RNF141: variants seen among roughly 807,000 people sequenced by gnomAD.
The protein encoded by RNF141 is ring finger protein 141, also known as C3HC4-like zinc finger protein.
RNF141 carries 18 observed loss-of-function variants against 27.4 expected under a neutral mutation model. The observed-to-expected ratio is 0.66, with a 90% CI of 0.45 to 0.97. RNF141 has a LOEUF of 0.97. Ranked by LOEUF, RNF141 falls within the 50% of genes least tolerant of loss-of-function variation. The pLI is 0.00. For missense variants in RNF141, 230 were observed against 279.4 expected, an observed-to-expected ratio of 0.82 and a Z score of 1.26; for synonymous variants, 97 against 96.6, an observed-to-expected ratio of 1.00 and a Z score of -0.02.
chr11:10,537,951 G>T (rs1850052363), intron 1 of RNF141, among the ~76,000 whole-genome samples: 1 of 152,156 alleles, frequency 6.6e-6, no homozygotes, highest in Non-Finnish European at 1.5e-5. Context: ...GGGTCAGTGG[G>T]CACTTCTTAC....
chr11:10,524,057 T>C lies in RNF141; in HGVS notation c.434+1135A>G, dbSNP rs1481108736. On this transcript the variant is annotated intron_variant, in intron 4 of 5. Transcript: ENST00000265981. ...AAAATACAGTTTAACTGTAACATAG[T>C]GCTTGAAAACCAGTTGGTTAAGAAT... Among the ~76,000 whole-genome samples the C allele has an allele frequency of 2.0e-5, 3 of 152,168 alleles. No individual in the cohort carries two copies. The East Asian group carries it at 5.8e-4, about 29-fold the overall frequency.
At chr11:10,527,133 T>A (rs2009335899) in intron 3 of RNF141, among the ~76,000 whole-genome samples, 1 of 152,184 alleles carries the variant, frequency 6.6e-6, no homozygotes, top group Non-Finnish European at 1.5e-5. Flanking sequence ...AAACAAGTAT[T>A]TATTGAGTAC....
chr11:10,515,093 T>G, intron 5 of RNF141, 27 bp from the exon 6 acceptor site: 1 of 1,580,436 alleles, frequency 6.3e-7, no homozygotes, highest in Non-Finnish European at 8.6e-7. Context: ...AACAAAACAG[T>G]TTGCTTTCTT....
chr11:10,516,472 C>G (rs1849843744), intron 5 of RNF141: 1 of 152,198 alleles, frequency 6.6e-6, no homozygotes, highest in African/African-American at 2.4e-5. Flanking sequence ...TGGCAAACTC[C>G]CTGAGCTGAA....
In RNF141 at chr11:10,534,077, G is replaced by C; in HGVS notation, c.82C>G (p.Arg28Gly). Reference sequence around the variant, plus strand: ...TCATAAGTTAAGGAGCCACTCTCTCGAACCAACGTAACATGTTTTGCTACT... The same window carrying C: ...TCATAAGTTAAGGAGCCACTCTCTCCAACCAACGTAACATGTTTTGCTACT... ...EKVAKHVTLVRESGSLTYEEF... is the reference protein window; with the variant it reads ...EKVAKHVTLVGESGSLTYEEF... Residue 28 changes from arginine to glycine, a missense_variant, in exon 2 of 6, where the codon CGA (arginine) becomes GGA (glycine). Transcript: ENST00000265981. 1 of 1,613,488 alleles carries C rather than the reference G, an allele frequency of 6.2e-7. No homozygotes were observed. The highest frequency in any genetic ancestry group is 8.5e-7 in the Non-Finnish European group (1 of 1,179,584).
At chr11:10,537,510 G>C (rs754034163) in intron 1 of RNF141, among the ~76,000 whole-genome samples, 2 of 152,064 alleles carry the variant, frequency 1.3e-5, no homozygotes, top group Non-Finnish European at 2.9e-5. Flanking sequence ...TAACCAACGT[G>C]GTATAGGGGA....
intron 3 of RNF141, among the ~76,000 whole-genome samples, chr11:10,529,506 A>G (rs963753200): frequency 4.6e-5 from 7 of 152,250 alleles, no homozygotes; most frequent in Non-Finnish European, 8.8e-5. Context: ...ATAAGAATGC[A>G]GAGCAAAAGA....
chr11:10,539,701 A>ATAT lies in RNF141; in HGVS notation c.-48+1420_-48+1421insATA, dbSNP rs10524171. On this transcript the variant is annotated intron_variant, in intron 1 of 5. Coordinates refer to ENST00000265981, the MANE Select transcript of RNF141 (RefSeq NM_016422.4). ...AGAAAAAGATACATACATATATATT[A>ATAT]GAGAGAGAAGGAGAGAGAAACTACA... is the stretch of plus-strand genomic sequence containing the variant. Among the ~76,000 whole-genome samples, 218 of 31,464 alleles carry ATAT rather than the reference A, an allele frequency of 6.9e-3. 34 individuals are homozygous for ATAT. The highest frequency in any genetic ancestry group is 0.016 in the African/African-American group (182 of 11,428). The allele number at this position is 31,464 out of a possible 152,430, so 20.6% of individuals were successfully genotyped here.
At chr11:10,525,133 G>T in intron 4 of RNF141, 59 bp downstream of exon 4, 2 of 1,265,378 alleles carry the variant, frequency 1.6e-6, no homozygotes, top group Non-Finnish European at 2.2e-6. Flanking sequence ...AATATTAATA[G>T]ATTTCAGTTG....
chr11:10,539,701 A>ATATAT lies in RNF141; in HGVS notation c.-48+1420_-48+1421insATATA, dbSNP rs10524171. Among the ~76,000 whole-genome samples, 28 of 31,456 alleles carry ATATAT rather than the reference A, an allele frequency of 8.9e-4. 5 individuals carry two copies. The highest frequency in any genetic ancestry group is 1.8e-3 in the East Asian group (2 of 1,114). 20.6% of individuals were successfully genotyped at this position (31,456 alleles called of 152,430 possible). On this transcript the variant is annotated intron_variant, in intron 1 of 5. Coordinates refer to ENST00000265981, the MANE Select transcript of RNF141 (RefSeq NM_016422.4). ...AGAAAAAGATACATACATATATATT[A>ATATAT]GAGAGAGAAGGAGAGAGAAACTACA...
chr11:10,527,913 C>T (rs184093337), intron 3 of RNF141, among the ~76,000 whole-genome samples: 237 of 152,166 alleles, frequency 1.6e-3, no homozygotes, highest in African/African-American at 5.5e-3. Flanking sequence ...GACTCACTTA[C>T]AGATTGTCAG....
At chr11:10,537,622 T>C (rs1850050064) in intron 1 of RNF141, among the ~76,000 whole-genome samples, 1 of 152,124 alleles carries the variant, frequency 6.6e-6, no homozygotes, top group Non-Finnish European at 1.5e-5. Context: ...AAATTTTATT[T>C]AGTAATTTTT....
rs1752471170 is a variant in RNF141 at position 10,541,113 on chromosome 11, G to A, written c.-48+9C>T. ...GGGAAACACGAAAGGACAGCGCCGC[G>A]GAGCTCACCCCAGGTTCAAGGCATC... On this transcript the variant is annotated intron_variant, in intron 1 of 5. Coordinates refer to ENST00000265981, the MANE Select transcript of RNF141 (RefSeq NM_016422.4). 1 of 152,378 alleles carries A rather than the reference G, an allele frequency of 6.6e-6. No homozygotes were observed. Among genetic ancestry groups the A allele is most frequent in the Non-Finnish European group, 1.5e-5 (1 of 68,208 alleles). The allele number at this position is 152,378 out of a possible 1,614,324, so 9.4% of individuals were successfully genotyped here. A position where few individuals can be genotyped will look rare whatever the true frequency, so the allele number is the denominator to read the frequency against.
chr11:10,521,063 T>C (rs1226875224), intron 4 of RNF141, among the ~76,000 whole-genome samples: 2 of 152,216 alleles, frequency 1.3e-5, no homozygotes, highest in African/African-American at 4.8e-5. Context: ...GTTTCTGTCC[T>C]CCAGGAGCTC....
intron 1 of RNF141, among the ~76,000 whole-genome samples, chr11:10,538,354 A>T (rs1258761144): frequency 1.3e-5 from 2 of 152,208 alleles, no homozygotes; most frequent in African/African-American, 4.8e-5. Context: ...AATATTGATA[A>T]ATATTAACAT....
intron 2 of RNF141, among the ~76,000 whole-genome samples, chr11:10,532,518 CACACACACACACACACACA>C (rs1849995986): frequency 1.4e-5 from 2 of 146,006 alleles, no homozygotes; most frequent in African/African-American, 4.9e-5. Context: ...CACACACACA[CACACACACACACACACACA>C]CCCCACAACT....
In RNF141 at chr11:10,513,264, T is replaced by C. The variant is rs375787316; in HGVS notation, c.*1652A>G. The C allele has an allele frequency of 6.6e-6, 1 of 152,344 alleles. No homozygotes were observed. Among genetic ancestry groups the C allele is most frequent in the East Asian group, 1.9e-4 (1 of 5,192 alleles). The allele number at this position is 152,344 out of a possible 1,614,324, so 9.4% of individuals were successfully genotyped here. On this transcript the variant is annotated 3_prime_UTR_variant, in exon 6 of 6. Coordinates refer to ENST00000265981, the MANE Select transcript of RNF141 (RefSeq NM_016422.4). ...AATCAAGCTACCCCTGGCCAGATGTTTTTCCTTGAAATTGATTTGAATTTT... is the reference window on the plus strand; with the variant it reads ...AATCAAGCTACCCCTGGCCAGATGTCTTTCCTTGAAATTGATTTGAATTTT...
intron 2 of RNF141, among the ~76,000 whole-genome samples, chr11:10,532,537 A>ACC (rs202174143): frequency 0.039 from 3,676 of 94,936 alleles, 235 homozygotes; most frequent in East Asian, 0.3. Flanking sequence ...ACACACACAC[A>ACC]CCCCACAACT....
In RNF141 at chr11:10,514,917, C is replaced by A; in HGVS notation, c.692G>T (p.Ter231LeuextTer2). Reference protein sequence around the residue: ...ADEAGQPHRP* With the variant: ...ADEAGQPHRPL ...CAACAGAAGACTTTCACTTCAAGGT[C>A]ATGGCCTGTGGGGCTGGCCTGCCTC... Residue 231 changes from the stop codon to leucine (L), a stop_lost, in exon 6 of 6, where the codon TGA (stop) becomes TTA (leucine). Transcript: ENST00000265981. The A allele has an allele frequency of 6.2e-7, 1 of 1,610,740 alleles. No individual in the cohort carries two copies. Among genetic ancestry groups the A allele is most frequent in the South Asian group, 1.1e-5 (1 of 90,346 alleles).
Sources: gnomAD v4.1 joint callset for allele counts (sites outside exome capture counted in the v4.1 genomes callset) on GRCh38, gnomAD v4.1.1 for gene constraint, MANE v1.5 for transcripts, NCBI Gene and HGNC (gene_info 2026-07-23, HGNC 2026-07-21) for gene names.